The following ANAPC16 variants were observed in gnomAD, a reference collection of about 807,000 sequenced individuals.
The protein encoded by ANAPC16 is anaphase-promoting complex subunit 16.
ANAPC16 carries 6 observed loss-of-function variants against 13.1 expected under a neutral mutation model. The observed-to-expected ratio is 0.46, with a 90% CI of 0.25 to 0.90. The LOEUF (loss-of-function observed/expected upper bound fraction) is 0.90, where lower values mean the gene tolerates loss of function less well. ANAPC16 is among the 40% of genes least tolerant of loss of function. ANAPC16 has a pLI of 0.18. For missense variants in ANAPC16, 113 were observed against 131.1 expected (o/e 0.86, Z 0.67); for synonymous variants, 55 against 51.3 (o/e 1.07, Z -0.31).
Position 72,234,371 on chromosome 10 carries a change from CAA to C in ANAPC16, c.*1256_*1257del, listed in dbSNP as rs1051972245. 2.1e-4 allele frequency: 32 copies of C among 152,344 alleles called. No homozygotes were observed. The highest frequency in any genetic ancestry group is 7.7e-4 in the African/African-American group (32 of 41,512). 9.4% of individuals were successfully genotyped at this position (152,344 alleles called of 1,614,324 possible). On this transcript the variant is annotated 3_prime_UTR_variant, in exon 4 of 4. Coordinates refer to ENST00000299381, the MANE Select transcript of ANAPC16 (RefSeq NM_173473.4). Reference sequence around the variant, plus strand: ...CAGGTTGGTCTTGAACTCCTGGCCTCAAGAGATCCCCCCAACCTTGGCCTCCA... The same window carrying C: ...CAGGTTGGTCTTGAACTCCTGGCCTCGAGATCCCCCCAACCTTGGCCTCCA...
At chr10:72,223,797 A>T (rs1860028787) in intron 1 of ANAPC16, 91 bp from the exon 2 acceptor site, 6 of 1,060,094 alleles carry the variant, frequency 5.7e-6, no homozygotes, top group African/African-American at 1.6e-5. Flanking sequence ...CTCTTTACAA[A>T]ACTGTATGCT....
intron 3 of ANAPC16, 64 bp from the exon 4 acceptor site, chr10:72,232,937 T>G: frequency 7.8e-7 from 1 of 1,287,736 alleles, no homozygotes; most frequent in Non-Finnish European, 1.1e-6. Context: ...ATCATCTTGG[T>G]GGCTGGTGGC....
chr10:72,216,839 A>C (rs1457486920), intron 1 of ANAPC16: 1 of 456,218 alleles, frequency 2.2e-6, no homozygotes, highest in South Asian at 1.5e-5. Context: ...GCCAAGTCCC[A>C]GGATACTTCA....
intron 2 of ANAPC16, among the ~76,000 whole-genome samples, chr10:72,227,684 A>G (rs1435402075): frequency 1.3e-5 from 2 of 152,078 alleles, no homozygotes; most frequent in South Asian, 2.1e-4. Context: ...ATACTATTCT[A>G]TTATACAATA....
At chr10:72,217,379 G>T (rs1859539234) in intron 1 of ANAPC16, among the ~76,000 whole-genome samples, 1 of 151,890 alleles carries the variant, frequency 6.6e-6, no homozygotes, top group Non-Finnish European at 1.5e-5. Context: ...GGAGGCTGAG[G>T]CGGGAGAATG....
intron 3 of ANAPC16, among the ~76,000 whole-genome samples, chr10:72,230,788 G>A (rs1282122350): frequency 6.6e-6 from 1 of 152,138 alleles, no homozygotes. Flanking sequence ...CTACTTGGGA[G>A]GCTGAGGTGG....
chr10:72,221,416 A>G (rs533619969), intron 1 of ANAPC16, among the ~76,000 whole-genome samples: 2 of 152,206 alleles, frequency 1.3e-5, no homozygotes, highest in South Asian at 4.1e-4. Context: ...ACAGTTCTTC[A>G]GTCACACCAG....
In ANAPC16 at chr10:72,233,080, C is replaced by A. The variant is rs767395303; in HGVS notation, c.297C>A (p.Ile99=). 1.2e-6 allele frequency: 2 copies of A among 1,614,162 alleles called. No individual in the cohort carries two copies. The highest frequency in any genetic ancestry group is 1.7e-6 in the Non-Finnish European group (2 of 1,180,028). Residue 99 remains isoleucine, a synonymous_variant, in exon 4 of 4, where the codon ATC becomes ATA. Coordinates refer to ENST00000299381, the MANE Select transcript of ANAPC16 (RefSeq NM_173473.4). The part of the protein sequence containing the change: ...LEADEWRFKP[I]EQLLGFTPSS... ...CTGACGAGTGGCGGTTTAAGCCCAT[C>A]GAGCAGCTGCTGGGATTCACCCCCT...
intron 2 of ANAPC16, among the ~76,000 whole-genome samples, chr10:72,225,665 G>T (rs1411909622): frequency 6.6e-6 from 1 of 152,140 alleles, no homozygotes; most frequent in African/African-American, 2.4e-5. Context: ...ACTTCTGGAG[G>T]CCAAGGCAGG....
At chr10:72,227,829 G>A (rs192005348) in intron 2 of ANAPC16, among the ~76,000 whole-genome samples, 115 of 148,236 alleles carry the variant, frequency 7.8e-4, no homozygotes, top group African/African-American at 2.8e-3. Flanking sequence ...TCAGGAGTTC[G>A]AGACCAGCCT....
At chr10:72,221,172 T>A (rs1183935733) in intron 1 of ANAPC16, among the ~76,000 whole-genome samples, 1 of 152,188 alleles carries the variant, frequency 6.6e-6, no homozygotes, top group African/African-American at 2.4e-5. Flanking sequence ...CACCTTGGCC[T>A]CCCAAAGTGC....
At position 72,234,101 on chromosome 10, in the gene ANAPC16, G is replaced by C. The variant is rs993889474; in HGVS notation, c.*985G>C. On this transcript the variant is annotated 3_prime_UTR_variant, in exon 4 of 4. Transcript: ENST00000299381. ...TGCTCACTGCAACATCCACCTCCCA[G>C]GTTCAAGCAATTCTCCTGCCTCAGC... 2.0e-5 allele frequency: 3 copies of C among 151,664 alleles called. No individual in the cohort carries two copies. The highest frequency in any genetic ancestry group is 4.9e-5 in the African/African-American group (2 of 41,186). The allele number at this position is 151,664 out of a possible 1,614,324, so 9.4% of individuals were successfully genotyped here.
At chr10:72,225,545 G>A (rs1278215679) in intron 2 of ANAPC16, among the ~76,000 whole-genome samples, 1 of 152,004 alleles carries the variant, frequency 6.6e-6, no homozygotes, top group Non-Finnish European at 1.5e-5. Flanking sequence ...TCATGCCATG[G>A]CACTCCAGCC....
intron 2 of ANAPC16, among the ~76,000 whole-genome samples, chr10:72,229,325 T>G (rs1025645205): frequency 2.6e-5 from 4 of 151,640 alleles, no homozygotes; most frequent in South Asian, 4.2e-4. Context: ...TATAGTTGTT[T>G]TTTTTTTTAA....
chr10:72,231,396 G>A (rs939662698), intron 3 of ANAPC16, among the ~76,000 whole-genome samples: 2 of 151,974 alleles, frequency 1.3e-5, no homozygotes, highest in Non-Finnish European at 2.9e-5. Flanking sequence ...ACAAAAATTA[G>A]TGGAGAATGG....
In ANAPC16 at chr10:72,230,398, T is replaced by C. The variant is rs1314096235; in HGVS notation, c.175T>C (p.Phe59Leu). ...TGAGAGATTCCTCTGCGAATCTGTT[T>C]TTAGCTATCAAGTGGCATCCACGCT... ...GSERFLCESV[F>L]SYQVASTLKQ... Residue 59 changes from phenylalanine to leucine, a missense_variant, in exon 3 of 4, where the codon TTT (phenylalanine) becomes CTT (leucine). Transcript: ENST00000299381. 6.2e-7 allele frequency: 1 copy of C among 1,614,038 alleles called. No individual in the cohort carries two copies. The highest frequency in any genetic ancestry group is 1.3e-5 in the African/African-American group (1 of 74,948).
At chr10:72,220,729 A>AAAAC (rs1859895773) in intron 1 of ANAPC16, 1 of 151,474 alleles carries the variant, frequency 6.6e-6, no homozygotes, top group Non-Finnish European at 1.5e-5. Context: ...AAAAAAAAAA[A>AAAAC]AAACCCGAAA....
rs547291345 is a variant in ANAPC16, at chr10:72,226,895, CTTTGCCTTTTTA to C, written c.142+2843_142+2854del. On this transcript the variant is annotated intron_variant, in intron 2 of 3. Transcript: ENST00000299381. ...TAATTAGTGATACATGTACTTCTCT[CTTTGCCTTTTTA>C]TTTTCTTTAATTGTGTTAACTAAAT... Among the ~76,000 whole-genome samples the C allele has an allele frequency of 1.3e-3, 193 of 152,220 alleles. 3 individuals are homozygous for C. The highest frequency in any genetic ancestry group is 0.01 in the Admixed American group (159 of 15,282).
At chr10:72,227,371 G>T (rs1860154647) in intron 2 of ANAPC16, among the ~76,000 whole-genome samples, 1 of 152,080 alleles carries the variant, frequency 6.6e-6, no homozygotes, top group Non-Finnish European at 1.5e-5. Flanking sequence ...AATGTGTTGT[G>T]TTTCTGTTGT....
Sources: gnomAD v4.1 joint callset for allele counts (sites outside exome capture counted in the v4.1 genomes callset) on GRCh38, gnomAD v4.1.1 for gene constraint, MANE v1.5 for transcripts, NCBI Gene and HGNC (gene_info 2026-07-23, HGNC 2026-07-21) for gene names.